USH2A: variants seen among roughly 807,000 people sequenced by gnomAD.
The protein encoded by USH2A is Usher syndrome 2A (autosomal recessive, mild).
USH2A carries 443 observed loss-of-function variants against 538.9 expected under a neutral mutation model. The observed-to-expected ratio is 0.82, with a 90% confidence interval of 0.76 to 0.89. The LOEUF is 0.89. Ranked by LOEUF, USH2A falls within the 40% of genes least tolerant of loss-of-function variation. The probability of loss-of-function intolerance (pLI) is 0.00; values close to 1 mark genes in which losing one functional copy is unlikely to be tolerated. For synonymous variants in USH2A, 2,413 were observed against 2,273.5 expected, an observed-to-expected ratio of 1.06 and a Z score of -1.75; for missense variants, 6,633 against 6,324.8, an observed-to-expected ratio of 1.05 and a Z score of -1.65.
At position 216,369,920 on chromosome 1, in the gene USH2A, CAAAAA is replaced by C. The variant is rs71161416; in HGVS notation, c.652-4840_652-4836del. Among the ~76,000 whole-genome samples, 349 of 127,380 alleles carry C rather than the reference CAAAAA, an allele frequency of 2.7e-3. 2 individuals carry two copies. The highest frequency in any genetic ancestry group is 0.011 in the African/African-American group (328 of 29,572). The allele number at this position is 127,380 out of a possible 152,430, so 83.6% of individuals were successfully genotyped here. ...CCTGGGTGACAGAGTGAGACTCTGCCAAAAAAAAAAAAAAAAAAAAAGTATGTCAG... is the reference window on the plus strand; with the variant it reads ...CCTGGGTGACAGAGTGAGACTCTGCCAAAAAAAAAAAAAAAAGTATGTCAG... On this transcript the variant is annotated intron_variant, in intron 3 of 71. Transcript: ENST00000307340.
intron 21 of USH2A, among the ~76,000 whole-genome samples, chr1:216,157,048 A>G (rs902475374): frequency 5.3e-5 from 8 of 151,890 alleles, no homozygotes; most frequent in Non-Finnish European, 1.2e-4. Context: ...TAATTTTTGT[A>G]TTTTTAGTAG....
At position 215,998,963 on chromosome 1, in the gene USH2A, T is replaced by C. The variant is rs1553286786; in HGVS notation, c.6581A>G (p.Tyr2194Cys). Reference sequence around the variant, plus strand: ...ATCCTGGAAAAGTTCTGTACTGTTATAGATGACACTCCAAATTGTAAAATC... The same window carrying C: ...ATCCTGGAAAAGTTCTGTACTGTTACAGATGACACTCCAAATTGTAAAATC... ...THDFTIWSVIYNSTELFQDHM... is the reference protein window; with the variant it reads ...THDFTIWSVICNSTELFQDHM... The change falls in exon 34 of 72, where the codon TAT (tyrosine) becomes TGT (cysteine). Residue 2194 changes from tyrosine to cysteine, a missense_variant. Physicochemically the swap from Tyr to Cys is radical, Grantham distance 194 (BLOSUM62 -2). Transcript: ENST00000307340. The C allele has an allele frequency of 1.2e-6, 2 of 1,613,100 alleles. No individual in the cohort carries two copies. The highest frequency in any genetic ancestry group is 8.5e-7 in the Non-Finnish European group (1 of 1,179,286).
Position 216,083,449 on chromosome 1 carries a change from C to G in USH2A, c.5298+7G>C. 6.2e-7 allele frequency: 1 copy of G among 1,609,914 alleles called. No individual in the cohort carries two copies. Among genetic ancestry groups the G allele is most frequent in the Non-Finnish European group, 8.5e-7 (1 of 1,178,314 alleles). On this transcript the variant is annotated splice_region_variant and intron_variant, in intron 26 of 71. Coordinates refer to ENST00000307340, the MANE Select transcript of USH2A (RefSeq NM_206933.4). ...TAAAGTAATTTTAATCAAATTAATT[C>G]ACATACAGCAAGAAAATCAGGTCCA...
intron 46 of USH2A, among the ~76,000 whole-genome samples, chr1:215,842,636 G>C (rs1383485667): frequency 2.0e-5 from 3 of 152,110 alleles, no homozygotes; most frequent in Non-Finnish European, 4.4e-5. Flanking sequence ...CCATAAAAAG[G>C]AATGAGATCA....
chr1:216,052,110 C>T (rs1261000895), intron 30 of USH2A, among the ~76,000 whole-genome samples: 3 of 152,080 alleles, frequency 2.0e-5, no homozygotes, highest in African/African-American at 7.2e-5. Flanking sequence ...TTTAGCCACT[C>T]CTTATTTTAA....
intron 35 of USH2A, among the ~76,000 whole-genome samples, chr1:215,976,729 T>C (rs1667627307): frequency 6.6e-6 from 1 of 152,206 alleles, no homozygotes; most frequent in Non-Finnish European, 1.5e-5. Flanking sequence ...AATTAACTTT[T>C]TGCTGTGCTG....
intron 9 of USH2A, among the ~76,000 whole-genome samples, chr1:216,310,909 A>T (rs1013768481): frequency 6.6e-6 from 1 of 152,106 alleles, no homozygotes. Flanking sequence ...ACATACATCT[A>T]TGTCTTTGCT....
At chr1:215,866,684 G>A (rs56339654) in intron 44 of USH2A, among the ~76,000 whole-genome samples, 32 of 152,166 alleles carry the variant, frequency 2.1e-4, no homozygotes, top group East Asian at 1.3e-3. Context: ...TAGAAATTAC[G>A]TTGTTCATGC....
At chr1:215,673,979 ATGG>A in intron 63 of USH2A, 118 bp downstream of exon 63, 3 of 1,559,066 alleles carry the variant, frequency 1.9e-6, no homozygotes, top group Non-Finnish European at 2.6e-6. Context: ...GTTTAGGTGG[ATGG>A]AGGTTGGGGA....
chr1:216,385,400 T>C (rs2038988416), intron 3 of USH2A, among the ~76,000 whole-genome samples: 1 of 152,082 alleles, frequency 6.6e-6, no homozygotes, highest in African/African-American at 2.4e-5. Flanking sequence ...AATAAAAACA[T>C]TGTCCTGATG....
chr1:215,951,336 T>C (rs1337797858), intron 37 of USH2A, among the ~76,000 whole-genome samples: 1 of 152,376 alleles, frequency 6.6e-6, no homozygotes, highest in East Asian at 1.9e-4. Flanking sequence ...AGGAGCAGGT[T>C]GCTCAGTTTC....
At chr1:215,813,403 A>C (rs995172247) in intron 49 of USH2A, among the ~76,000 whole-genome samples, 4 of 152,208 alleles carry the variant, frequency 2.6e-5, no homozygotes, top group African/African-American at 9.6e-5. Flanking sequence ...GGGGTGGAAC[A>C]GTCAGCAATT....
At chr1:216,240,299 A>G (rs1182297582) in intron 13 of USH2A, among the ~76,000 whole-genome samples, 1 of 152,170 alleles carries the variant, frequency 6.6e-6, no homozygotes. Flanking sequence ...GTCTGGACTC[A>G]ACAAGTATGT....
intron 61 of USH2A, among the ~76,000 whole-genome samples, chr1:215,727,395 C>T (rs1558071673): frequency 6.6e-6 from 1 of 152,038 alleles, no homozygotes; most frequent in Non-Finnish European, 1.5e-5. Context: ...ACATTATTCC[C>T]ATTTAGTAGA....
At chr1:216,326,436 T>G (rs1335058537) in intron 5 of USH2A, among the ~76,000 whole-genome samples, 1 of 152,172 alleles carries the variant, frequency 6.6e-6, no homozygotes. Flanking sequence ...TCATACCTTC[T>G]TTAAATCTCA....
chr1:216,147,806 C>T (rs1279104872), intron 21 of USH2A, among the ~76,000 whole-genome samples: 2 of 151,296 alleles, frequency 1.3e-5, no homozygotes, highest in East Asian at 2.0e-4. Flanking sequence ...AACCTCCTCC[C>T]CCAGGAGCTT....
In USH2A at chr1:216,246,726, T is replaced by C. The variant is rs1422953100; in HGVS notation, c.2668A>G (p.Thr890Ala). 1 of 1,614,122 alleles carries C rather than the reference T, an allele frequency of 6.2e-7. No individual in the cohort carries two copies. The highest frequency in any genetic ancestry group is 1.3e-5 in the African/African-American group (1 of 75,058). The change falls in exon 13 of 72, where the codon ACC becomes GCC. Residue 890 changes from threonine to alanine, a missense_variant. Thr to Ala is a moderately conservative substitution (Grantham distance 58). Transcript: ENST00000307340. ...TGGCAGTGTTGAAAATTGTCAATGG[T>C]CAAATTGTACCTGTGAGGCTCACAC... ...NQCEPHRYNL[T>A]IDNFQHCQMC...
At chr1:216,108,229 C>T (rs374647974) in intron 21 of USH2A, among the ~76,000 whole-genome samples, 7 of 151,802 alleles carry the variant, frequency 4.6e-5, no homozygotes, top group East Asian at 1.9e-4. Flanking sequence ...TTGAATAATA[C>T]GTTCACTGAA....
intron 4 of USH2A, among the ~76,000 whole-genome samples, chr1:216,357,606 G>T (rs1205514910): frequency 2.7e-5 from 4 of 150,140 alleles, no homozygotes; most frequent in Admixed American, 6.7e-5. Context: ...CACTTTAACA[G>T]ACACTCAACA....
Sources: allele counts gnomAD v4.1 joint callset (sites outside exome capture counted in the v4.1 genomes callset), GRCh38; gene constraint gnomAD v4.1.1; transcripts MANE v1.5; gene names NCBI Gene and HGNC (gene_info 2026-07-23, HGNC 2026-07-21).